The following KCNIP4 variants were observed in gnomAD, a reference collection of about 807,000 sequenced individuals.
The protein encoded by KCNIP4 is potassium voltage-gated channel interacting protein 4.
In KCNIP4, 12 loss-of-function variants were observed where a neutral mutation model predicts 34.0. That is an observed-to-expected ratio of 0.35 (90% CI 0.23 to 0.57). KCNIP4 has a LOEUF of 0.57. Ranked by LOEUF, KCNIP4 falls within the 20% of genes least tolerant of loss-of-function variation. KCNIP4 has a pLI of 0.83. For missense variants in KCNIP4, 238 were observed against 311.7 expected (o/e 0.76, Z 1.78); for synonymous variants, 124 against 102.2 (o/e 1.21, Z -1.29).
At chr4:21,785,985 G>A (rs1004010029) in intron 1 of KCNIP4, among the ~76,000 whole-genome samples, 3 of 152,022 alleles carry the variant, frequency 2.0e-5, no homozygotes, top group Non-Finnish European at 4.4e-5. Context: ...TCACTCTGTC[G>A]CCAGGCTGGA....
chr4:20,797,143 G>C (rs183841442), intron 3 of KCNIP4, among the ~76,000 whole-genome samples: 23 of 152,246 alleles, frequency 1.5e-4, no homozygotes, highest in Non-Finnish European at 7.4e-5. Flanking sequence ...TTCTGTTTTT[G>C]TCTACATTTA....
At chr4:20,891,803 G>A (rs1725943969) in intron 1 of KCNIP4, among the ~76,000 whole-genome samples, 1 of 151,958 alleles carries the variant, frequency 6.6e-6, no homozygotes, top group South Asian at 2.1e-4. Context: ...TTTTACCATT[G>A]AAAGTAATGG....
intron 1 of KCNIP4, among the ~76,000 whole-genome samples, chr4:21,814,663 C>G (rs1721883638): frequency 6.6e-6 from 1 of 152,062 alleles, no homozygotes; most frequent in African/African-American, 2.4e-5. Context: ...CTGGCTGAGC[C>G]CCGTTAAGAG....
intron 3 of KCNIP4, among the ~76,000 whole-genome samples, chr4:20,798,269 T>G (rs533242226): frequency 1.3e-5 from 2 of 152,354 alleles, no homozygotes; most frequent in Non-Finnish European, 2.9e-5. Context: ...GCAGATACTC[T>G]GAAAGTTGTG....
intron 1 of KCNIP4, among the ~76,000 whole-genome samples, chr4:21,038,180 G>C (rs185563202): frequency 6.6e-6 from 1 of 152,174 alleles, no homozygotes; most frequent in Non-Finnish European, 1.5e-5. Context: ...TTTTCACCAC[G>C]TTGGCCAGAT....
At chr4:20,771,253 A>G (rs1755851295) in intron 3 of KCNIP4, among the ~76,000 whole-genome samples, 1 of 152,116 alleles carries the variant, frequency 6.6e-6, no homozygotes, top group African/African-American at 2.4e-5. Context: ...CTGAAGATTT[A>G]AAAAAATCTA....
intron 1 of KCNIP4, among the ~76,000 whole-genome samples, chr4:21,774,455 T>C (rs1719037968): frequency 6.6e-6 from 1 of 151,880 alleles, no homozygotes; most frequent in African/African-American, 2.4e-5. Context: ...TGGTGTTCTC[T>C]GTATTTCCTG....
chr4:21,928,051 G>A (rs1448267425), intron 1 of KCNIP4, among the ~76,000 whole-genome samples: 1 of 150,970 alleles, frequency 6.6e-6, no homozygotes, highest in East Asian at 2.0e-4. Flanking sequence ...CTTCATTTTT[G>A]GATCCTTTCT....
At chr4:20,859,039 T>C (rs1316623461) in intron 2 of KCNIP4, among the ~76,000 whole-genome samples, 1 of 152,140 alleles carries the variant, frequency 6.6e-6, no homozygotes, top group Non-Finnish European at 1.5e-5. Context: ...GGATAAAAGA[T>C]TTTAAATCAC....
At chr4:20,873,180 T>C (rs1723668810) in intron 2 of KCNIP4, among the ~76,000 whole-genome samples, 1 of 152,196 alleles carries the variant, frequency 6.6e-6, no homozygotes, top group African/African-American at 2.4e-5. Flanking sequence ...AGTCTAGTGG[T>C]AAAGACACTA....
At chr4:21,290,588 GT>G (rs1763383972) in intron 1 of KCNIP4, among the ~76,000 whole-genome samples, 1 of 152,138 alleles carries the variant, frequency 6.6e-6, no homozygotes, top group Non-Finnish European at 1.5e-5. Flanking sequence ...TTTCAACACA[GT>G]TGTATTTGCC....
At chr4:21,086,296 A>G (rs143442244) in intron 1 of KCNIP4, among the ~76,000 whole-genome samples, 2 of 152,280 alleles carry the variant, frequency 1.3e-5, no homozygotes, top group East Asian at 3.9e-4. Context: ...ACTGCACTCT[A>G]GTTCCACTTC....
At chr4:21,079,566 A>G (rs1478520332) in intron 1 of KCNIP4, among the ~76,000 whole-genome samples, 1 of 151,760 alleles carries the variant, frequency 6.6e-6, no homozygotes. Flanking sequence ...ACCTAAACTC[A>G]TGTTCTGAGC....
intron 1 of KCNIP4, among the ~76,000 whole-genome samples, chr4:21,238,557 A>T: frequency 6.6e-6 from 1 of 152,222 alleles, no homozygotes; most frequent in East Asian, 1.9e-4. Flanking sequence ...TCAATGTGCA[A>T]AAATCACAAG....
chr4:21,379,763 C>A (rs1452502115), intron 1 of KCNIP4, among the ~76,000 whole-genome samples: 2 of 152,136 alleles, frequency 1.3e-5, no homozygotes, highest in Non-Finnish European at 2.9e-5. Context: ...TTTTCTATAT[C>A]TCTTTCAGAA....
chr4:21,194,903 T>C (rs1755946582), intron 1 of KCNIP4, among the ~76,000 whole-genome samples: 1 of 152,202 alleles, frequency 6.6e-6, no homozygotes, highest in African/African-American at 2.4e-5. Context: ...CAGCCATTTT[T>C]TTCTTTTAAC....
intron 1 of KCNIP4, among the ~76,000 whole-genome samples, chr4:21,119,570 G>A (rs1749974654): frequency 6.6e-6 from 1 of 151,254 alleles, no homozygotes; most frequent in African/African-American, 2.4e-5. Context: ...ACCAAACATA[G>A]AGAGAAACAT....
At chr4:20,772,864 C>T (rs1020174299) in intron 3 of KCNIP4, among the ~76,000 whole-genome samples, 3 of 151,934 alleles carry the variant, frequency 2.0e-5, no homozygotes, top group African/African-American at 4.8e-5. Flanking sequence ...GAACTCCTGA[C>T]CTCAGGTGAT....
intron 1 of KCNIP4, among the ~76,000 whole-genome samples, chr4:21,484,454 A>G (rs1395812516): frequency 6.6e-6 from 1 of 151,252 alleles, no homozygotes; most frequent in Non-Finnish European, 1.5e-5. Context: ...AAAGATAGGT[A>G]GTTATTCTCA....
Sources: allele counts gnomAD v4.1 joint callset (sites outside exome capture counted in the v4.1 genomes callset), GRCh38; gene constraint gnomAD v4.1.1; transcripts MANE v1.5; gene names NCBI Gene and HGNC (gene_info 2026-07-23, HGNC 2026-07-21).